The following B3GNT5 variants were observed in gnomAD, a reference collection of about 807,000 sequenced individuals.
The protein encoded by B3GNT5 is UDP-GlcNAc:betaGal beta-1,3-N-acetylglucosaminyltransferase 5, also known as lactosylceramide 1,3-N-acetyl-beta-D-glucosaminyltransferase.
In B3GNT5, 11 loss-of-function variants were observed where a neutral mutation model predicts 25.9. That is an observed-to-expected ratio of 0.42 (90% CI 0.27 to 0.70). The LOEUF (loss-of-function observed/expected upper bound fraction) is 0.70. B3GNT5 is among the 30% of genes least tolerant of loss of function. The pLI, the probability that B3GNT5 is intolerant of heterozygous loss-of-function variation, is 0.23. For missense variants in B3GNT5, 385 were observed against 458.4 expected, an observed-to-expected ratio of 0.84 and a Z score of 1.46; for synonymous variants, 166 against 158.6, an observed-to-expected ratio of 1.05 and a Z score of -0.35.
chr3:183,265,763 T>C (rs909864776), intron 1 of B3GNT5, among the ~76,000 whole-genome samples: 6 of 152,222 alleles, frequency 3.9e-5, no homozygotes, highest in African/African-American at 1.4e-4. Flanking sequence ...CATTCAAGTA[T>C]TGAGGAGTTT....
At position 183,270,338 on chromosome 3, in the gene B3GNT5, T is replaced by G; in HGVS notation, c.540T>G (p.Asn180Lys). The stretch of plus-strand genomic sequence containing the variant: ...TACTTATGCAGTTCAGTTGGGCAAA[T>G]ACCTATTGTCCACATGCCAAATTTC... ...LKLLMQFSWA[N>K]TYCPHAKFLM... Residue 180 changes from asparagine (N) to lysine (K), a missense_variant, in exon 2 of 2, where the codon AAT (asparagine) becomes AAG (lysine). Asn to Lys is a moderately conservative substitution (Grantham distance 94). Coordinates refer to ENST00000326505, the MANE Select transcript of B3GNT5 (RefSeq NM_032047.5). The surrounding 1 kb of genome is among the most constrained non-coding windows in gnomAD (Gnocchi z 4.5). 6.2e-7 allele frequency: 1 copy of G among 1,614,148 alleles called. No homozygotes were observed.
chr3:183,270,182 G>C lies in B3GNT5; in HGVS notation c.384G>C (p.Leu128=). The C allele has an allele frequency of 6.2e-7, 1 of 1,614,138 alleles. No individual in the cohort carries two copies. ...AGCTGAATGCCAACATCAAAACTCTGTTTGCCTTAGGAACTCCTAATCCAC... is the reference window on the plus strand; with the variant it reads ...AGCTGAATGCCAACATCAAAACTCTCTTTGCCTTAGGAACTCCTAATCCAC... The part of the protein sequence containing the change: ...RSQLNANIKT[L]FALGTPNPLE... The change falls in exon 2 of 2, where the codon CTG becomes CTC. Residue 128 remains leucine (L), a synonymous_variant. Transcript: ENST00000326505. This position sits in a 1 kb window ranked among gnomAD's most constrained non-coding sequence, Gnocchi z 4.5.
chr3:183,269,804 A>T lies in B3GNT5; in HGVS notation c.6A>T (p.Arg2Ser). 6.2e-7 allele frequency: 1 copy of T among 1,602,610 alleles called. No individual in the cohort carries two copies. Among genetic ancestry groups the T allele is most frequent in the Non-Finnish European group, 8.5e-7 (1 of 1,174,678 alleles). M[R>S]MLVSGRRVKK... Reference sequence around the variant, plus strand: ...AAAAACAGACTTGAGTGGATATGAGAATGTTGGTTAGTGGCAGAAGAGTCA... The same window carrying T: ...AAAAACAGACTTGAGTGGATATGAGTATGTTGGTTAGTGGCAGAAGAGTCA... The change falls in exon 2 of 2, where the codon AGA (arginine) becomes AGT (serine). Residue 2 changes from arginine (R) to serine (S), a missense_variant. Physicochemically the swap from Arg to Ser is moderately radical, Grantham distance 110. Transcript: ENST00000326505.
Position 183,269,683 on chromosome 3 carries a change from A to T in B3GNT5, c.-116A>T. The T allele has an allele frequency of 1.1e-6, 1 of 918,962 alleles. No individual in the cohort carries two copies. Among genetic ancestry groups the T allele is most frequent in the Non-Finnish European group, 1.6e-6 (1 of 620,002 alleles). The allele number at this position is 918,962 out of a possible 1,614,324, so 56.9% of individuals were successfully genotyped here. ...GTAAAATAAGAAGACTTCCATTTTT[A>T]ATGACCAACATGTATTAAGATGGAC... is the stretch of plus-strand genomic sequence containing the variant. On this transcript the variant is annotated 5_prime_UTR_variant, in exon 2 of 2. Transcript: ENST00000326505.
chr3:183,259,717 C>A (rs2108413132), intron 1 of B3GNT5, among the ~76,000 whole-genome samples: 1 of 152,212 alleles, frequency 6.6e-6, no homozygotes, highest in Middle Eastern at 3.4e-3. Context: ...CTTTTTGTCA[C>A]CCTCCTGCGA....
In B3GNT5 at chr3:183,264,744, C is replaced by A. The variant is rs181177965; in HGVS notation, c.-301-4754C>A. On this transcript the variant is annotated intron_variant, in intron 1 of 1. Coordinates refer to ENST00000326505, the MANE Select transcript of B3GNT5 (RefSeq NM_032047.5). ...TTGACAGCAGGGGTAAGGTTTACAA[C>A]AATCAGGGATTATTGCAGGGAAACT... Among the ~76,000 whole-genome samples, 389 of 152,294 alleles carry A rather than the reference C, an allele frequency of 2.6e-3. 2 individuals carry two copies. The highest frequency in any genetic ancestry group is 8.3e-3 in the African/African-American group (344 of 41,568).
chr3:183,266,172 A>T (rs1318072827), intron 1 of B3GNT5: 1 of 152,234 alleles, frequency 6.6e-6, no homozygotes, highest in African/African-American at 2.4e-5. Flanking sequence ...ACCTTTAATG[A>T]GTCAGATAGA....
At chr3:183,264,794 GT>G (rs1237722646) in intron 1 of B3GNT5, among the ~76,000 whole-genome samples, 4 of 152,158 alleles carry the variant, frequency 2.6e-5, no homozygotes, top group African/African-American at 9.7e-5. Flanking sequence ...GTTCTAACTA[GT>G]TTTTTCCCAA....
In B3GNT5 at chr3:183,267,669, G is replaced by A. The variant is rs1726291902; in HGVS notation, c.-301-1829G>A. Among the ~76,000 whole-genome samples, 1 of 152,258 alleles carries A rather than the reference G, an allele frequency of 6.6e-6. No homozygotes were observed. The highest frequency in any genetic ancestry group is 1.5e-5 in the Non-Finnish European group (1 of 68,048). Reference sequence around the variant, plus strand: ...AAACTAATGTACCACCCCCGAGGAAGAGAGCCTACCTTTCCATCCAAGGAA... The same window carrying A: ...AAACTAATGTACCACCCCCGAGGAAAAGAGCCTACCTTTCCATCCAAGGAA... On this transcript the variant is annotated intron_variant, in intron 1 of 1. Transcript: ENST00000326505. The surrounding 1 kb of genome is among the most constrained non-coding windows in gnomAD (Gnocchi z 5.5).
intron 1 of B3GNT5, among the ~76,000 whole-genome samples, chr3:183,258,609 C>CAGG (rs1428862711): frequency 6.6e-6 from 1 of 152,232 alleles, no homozygotes; most frequent in East Asian, 1.9e-4. Flanking sequence ...TGTTGTCCCT[C>CAGG]AGTATCCTTG....
Position 183,269,595 on chromosome 3 carries a change from C to T in B3GNT5, c.-204C>T, listed in dbSNP as rs917378524. ...AAGAATTTTGACGTGCCAGTGTCCT[C>T]GTTCTACAGGGTGTTCCATTCTTCC... On this transcript the variant is annotated 5_prime_UTR_variant, in exon 2 of 2. Transcript: ENST00000326505. 3 of 503,248 alleles carry T rather than the reference C, an allele frequency of 6.0e-6. No individual in the cohort carries two copies. Among genetic ancestry groups the T allele is most frequent in the Admixed American group, 3.9e-5 (1 of 25,464 alleles). The allele number at this position is 503,248 out of a possible 1,614,324, so 31.2% of individuals were successfully genotyped here. A position where few individuals can be genotyped will look rare whatever the true frequency, so the allele number is the denominator to read the frequency against.
At position 183,273,355 on chromosome 3, in the gene B3GNT5, C is replaced by G; in HGVS notation, c.*2420C>G. On this transcript the variant is annotated 3_prime_UTR_variant, in exon 2 of 2. Coordinates refer to ENST00000326505, the MANE Select transcript of B3GNT5 (RefSeq NM_032047.5). ...AATAATTAGTGAGTTTAAAAAAAAT[C>G]TATAGTTTCCAATAAACAACTGAAA... is the stretch of plus-strand genomic sequence containing the variant. The G allele has an allele frequency of 4.5e-6, 1 of 221,952 alleles. No individual in the cohort carries two copies. Among genetic ancestry groups the G allele is most frequent in the Non-Finnish European group, 9.5e-6 (1 of 105,698 alleles). 13.7% of individuals were successfully genotyped at this position (221,952 alleles called of 1,614,324 possible).
chr3:183,267,716 C>A lies in B3GNT5; in HGVS notation c.-301-1782C>A, dbSNP rs1025802640. Among the ~76,000 whole-genome samples, 1 of 152,140 alleles carries A rather than the reference C, an allele frequency of 6.6e-6. No homozygotes were observed. Among genetic ancestry groups the A allele is most frequent in the Non-Finnish European group, 1.5e-5 (1 of 68,020 alleles). Reference sequence around the variant, plus strand: ...GGAAGTGTTTTACCTGTGGTAAGCACGGGGGACAGAATTCTTGAGGAAGGA... The same window carrying A: ...GGAAGTGTTTTACCTGTGGTAAGCAAGGGGGACAGAATTCTTGAGGAAGGA... On this transcript the variant is annotated intron_variant, in intron 1 of 1. Coordinates refer to ENST00000326505, the MANE Select transcript of B3GNT5 (RefSeq NM_032047.5). This position sits in a 1 kb window ranked among gnomAD's most constrained non-coding sequence, Gnocchi z 5.5.
At position 183,270,196 on chromosome 3, in the gene B3GNT5, C is replaced by G; in HGVS notation, c.398C>G (p.Thr133Ser). ...ATCAAAACTCTGTTTGCCTTAGGAACTCCTAATCCACTGGAGGGAGAAGAA... is the reference window on the plus strand; with the variant it reads ...ATCAAAACTCTGTTTGCCTTAGGAAGTCCTAATCCACTGGAGGGAGAAGAA... ...ANIKTLFALG[T>S]PNPLEGEELQ... Residue 133 changes from threonine (T) to serine (S), a missense_variant, in exon 2 of 2, where the codon ACT (threonine) becomes AGT (serine). Thr to Ser is a moderately conservative substitution (Grantham distance 58, BLOSUM62 1). Coordinates refer to ENST00000326505, the MANE Select transcript of B3GNT5 (RefSeq NM_032047.5). The surrounding 1 kb of genome is among the most constrained non-coding windows in gnomAD (Gnocchi z 4.5). 1 of 1,614,164 alleles carries G rather than the reference C, an allele frequency of 6.2e-7. No individual in the cohort carries two copies. The highest frequency in any genetic ancestry group is 8.5e-7 in the Non-Finnish European group (1 of 1,180,026).
At chr3:183,259,702 C>A (rs1369536575) in intron 1 of B3GNT5, among the ~76,000 whole-genome samples, 2 of 152,076 alleles carry the variant, frequency 1.3e-5, no homozygotes, top group African/African-American at 4.8e-5. Context: ...CCTTCCACCC[C>A]ACCTCTTTTT....
chr3:183,253,721 T>C (rs1724729926), intron 1 of B3GNT5: 1 of 152,266 alleles, frequency 6.6e-6, no homozygotes. Context: ...CGGTGTCCCG[T>C]GTGGGAGGAA....
Position 183,270,560 on chromosome 3 carries a change from C to T in B3GNT5, c.762C>T (p.Ala254=), listed in dbSNP as rs768000813. The T allele has an allele frequency of 1.4e-5, 23 of 1,614,004 alleles. No individual in the cohort carries two copies. Among genetic ancestry groups the T allele is most frequent in the African/African-American group, 6.7e-5 (5 of 74,906 alleles). ...GGCCAGCTTACCCTGACTACACAGC[C>T]GGAGCTGCCTATGTAATCTCCGGTG... is the stretch of plus-strand genomic sequence containing the variant. ...YQWPAYPDYT[A]GAAYVISGDV... Residue 254 remains alanine, a synonymous_variant, in exon 2 of 2, where the codon GCC becomes GCT. Transcript: ENST00000326505. This position sits in a 1 kb window ranked among gnomAD's most constrained non-coding sequence, Gnocchi z 4.5.
chr3:183,261,192 G>A (rs542784139), intron 1 of B3GNT5, among the ~76,000 whole-genome samples: 1 of 152,230 alleles, frequency 6.6e-6, no homozygotes, highest in African/African-American at 2.4e-5. Flanking sequence ...AATTTATTAA[G>A]AAAAAATCTA....
At position 183,269,720 on chromosome 3, in the gene B3GNT5, G is replaced by A. The variant is rs1324173760; in HGVS notation, c.-79G>A. ...GTATTAAGATGGACACCTACTCTACGAAACACGAAGTTCTATGGTCTCGAA... is the reference window on the plus strand; with the variant it reads ...GTATTAAGATGGACACCTACTCTACAAAACACGAAGTTCTATGGTCTCGAA... On this transcript the variant is annotated 5_prime_UTR_variant, in exon 2 of 2. Transcript: ENST00000326505. 1.0e-5 allele frequency: 14 copies of A among 1,340,612 alleles called. No individual in the cohort carries two copies. Among genetic ancestry groups the A allele is most frequent in the South Asian group, 2.9e-5 (2 of 70,122 alleles). The allele number at this position is 1,340,612 out of a possible 1,614,324, so 83.0% of individuals were successfully genotyped here. A position where few individuals can be genotyped will look rare whatever the true frequency, so the allele number is the denominator to read the frequency against.
Sources: gnomAD v4.1 joint callset for allele counts (sites outside exome capture counted in the v4.1 genomes callset) on GRCh38, gnomAD v4.1.1 for gene constraint, Gnocchi (gnomAD v3.1) non-coding constraint, MANE v1.5 for transcripts, NCBI Gene and HGNC (gene_info 2026-07-23, HGNC 2026-07-21) for gene names.